PLEKHA5: variants seen among roughly 807,000 people sequenced by gnomAD.
PLEKHA5 encodes the protein pleckstrin homology domain containing A5, also known as pleckstrin homology domain-containing family A member 5.
In PLEKHA5, 55 loss-of-function variants were observed where a neutral mutation model predicts 181.9. The ratio of observed to expected loss-of-function variants is 0.30; its 90% CI spans 0.24 to 0.38. The LOEUF is 0.38. PLEKHA5 is among the 10% of genes least tolerant of loss of function. PLEKHA5 has a pLI of 1.00. For synonymous variants in PLEKHA5, 535 were observed against 529.4 expected (o/e 1.01, Z -0.15); for missense variants, 1,432 against 1,549.5 (o/e 0.92, Z 1.27).
intron 15 of PLEKHA5, among the ~76,000 whole-genome samples, chr12:19,300,972 T>TAAA (rs57234099): frequency 7.8e-6 from 1 of 127,626 alleles, no homozygotes; most frequent in East Asian, 2.3e-4. Context: ...CCATCTCTAC[T>TAAA]AAAAAAAAAA....
chr12:19,323,427 C>T (rs1048369373), intron 20 of PLEKHA5, among the ~76,000 whole-genome samples: 3 of 151,906 alleles, frequency 2.0e-5, no homozygotes, highest in Non-Finnish European at 4.4e-5. Context: ...CATCTGAGCC[C>T]GGGAGGCAGA....
chr12:19,284,193 C>T (rs1172218594), intron 12 of PLEKHA5, among the ~76,000 whole-genome samples: 1 of 152,020 alleles, frequency 6.6e-6, no homozygotes, highest in African/African-American at 2.4e-5. Context: ...CTCAGCCTCC[C>T]GAGTAGCTGG....
chr12:19,246,670 A>C (rs1592191140), intron 3 of PLEKHA5, among the ~76,000 whole-genome samples: 1 of 152,032 alleles, frequency 6.6e-6, no homozygotes, highest in Non-Finnish European at 1.5e-5. Flanking sequence ...TTCTATAAAA[A>C]TCAAATTCTG....
intron 3 of PLEKHA5, among the ~76,000 whole-genome samples, chr12:19,190,270 A>G (rs2050792149): frequency 6.6e-6 from 1 of 152,236 alleles, no homozygotes; most frequent in Admixed American, 6.5e-5. Flanking sequence ...CCTTATGGAT[A>G]ATAATGCCTT....
chr12:19,208,596 C>T (rs1349631684), intron 3 of PLEKHA5, among the ~76,000 whole-genome samples: 1 of 152,122 alleles, frequency 6.6e-6, no homozygotes, highest in African/African-American at 2.4e-5. Flanking sequence ...GCTAAGCTCT[C>T]ATTTTTTGGC....
chr12:19,333,964 C>T (rs2093114171), intron 20 of PLEKHA5, among the ~76,000 whole-genome samples: 1 of 152,064 alleles, frequency 6.6e-6, no homozygotes, highest in Non-Finnish European at 1.5e-5. Flanking sequence ...ATTGAAAGCA[C>T]TATTTTGTGG....
chr12:19,334,829 A>AAATATAT, intron 20 of PLEKHA5, among the ~76,000 whole-genome samples: 7 of 18,608 alleles, frequency 3.8e-4, no homozygotes, highest in South Asian at 2.8e-3. Context: ...AAAAAAAAAA[A>AAATATAT]ATATATATAT....
chr12:19,225,477 T>G (rs997408307), intron 3 of PLEKHA5, among the ~76,000 whole-genome samples: 1 of 152,212 alleles, frequency 6.6e-6, no homozygotes, highest in Admixed American at 6.5e-5. Flanking sequence ...TAGTACAGAA[T>G]TTGCAGTTCT....
rs200569657 is a variant in PLEKHA5 at position 19,310,179 on chromosome 12, A to G, written c.2038-4635A>G. Among the ~76,000 whole-genome samples the G allele has an allele frequency of 4.6e-5, 7 of 152,230 alleles. No homozygotes were observed. In the East Asian group the frequency reaches 9.6e-4, roughly 21 times the overall value. On this transcript the variant is annotated intron_variant, in intron 15 of 31. Transcript: ENST00000429027. ...ACTCATTTCAAGTGAATCCTTAAAC[A>G]TCCTACGTGTACTATTTAGTCTTTC...
chr12:19,351,386 A>G (rs1424357229), intron 25 of PLEKHA5, among the ~76,000 whole-genome samples: 1 of 152,178 alleles, frequency 6.6e-6, no homozygotes, highest in Non-Finnish European at 1.5e-5. Flanking sequence ...TATAAAGTAA[A>G]AAATGTATTT....
intron 3 of PLEKHA5, among the ~76,000 whole-genome samples, chr12:19,193,119 T>C (rs2051623810): frequency 1.3e-5 from 2 of 152,344 alleles, no homozygotes; most frequent in Middle Eastern, 3.4e-3. Context: ...GATTAGGTTT[T>C]GGAGTGTTTA....
At chr12:19,297,348 C>T (rs1174271727) in intron 15 of PLEKHA5, among the ~76,000 whole-genome samples, 2 of 151,428 alleles carry the variant, frequency 1.3e-5, no homozygotes, top group Non-Finnish European at 2.9e-5. Flanking sequence ...ACAGGCCGGG[C>T]GCGGTGGCTC....
chr12:19,367,747 T>C (rs1442901660), intron 30 of PLEKHA5, among the ~76,000 whole-genome samples: 1 of 150,710 alleles, frequency 6.6e-6, no homozygotes, highest in Non-Finnish European at 1.5e-5. Context: ...GCCTGGCTAA[T>C]TTTTTGTATT....
intron 21 of PLEKHA5, among the ~76,000 whole-genome samples, chr12:19,340,700 G>A (rs1239385150): frequency 7.0e-6 from 1 of 143,880 alleles, no homozygotes; most frequent in Admixed American, 7.1e-5. Flanking sequence ...ACTCAGGGTT[G>A]AATGGATTAA....
intron 10 of PLEKHA5, among the ~76,000 whole-genome samples, chr12:19,271,798 C>T (rs532757451): frequency 3.3e-5 from 5 of 152,262 alleles, no homozygotes; most frequent in African/African-American, 1.2e-4. Flanking sequence ...TTTCAGCCGT[C>T]TTTGTTAGTG....
At chr12:19,334,984 A>G (rs556429993) in intron 20 of PLEKHA5, among the ~76,000 whole-genome samples, 658 of 42,730 alleles carry the variant, frequency 0.015, 14 homozygotes, top group African/African-American at 0.12. Flanking sequence ...TTTTTTTATG[A>G]AAAAAAAAAA....
At chr12:19,220,121 C>A (rs2058701247) in intron 3 of PLEKHA5, among the ~76,000 whole-genome samples, 1 of 150,862 alleles carries the variant, frequency 6.6e-6, no homozygotes, top group Non-Finnish European at 1.5e-5. Context: ...CATCCCCACC[C>A]CACCCCACCC....
rs1045072601 is a variant in PLEKHA5 at position 19,352,088 on chromosome 12, A to G, written c.3020-1796A>G. On this transcript the variant is annotated intron_variant, in intron 25 of 31. Transcript: ENST00000429027. ...CGAAACTCCATCTCAAAAAAAAAAAAAAAAAAAAAGACTGGCTGGGCCTAG... is the reference window on the plus strand; with the variant it reads ...CGAAACTCCATCTCAAAAAAAAAAAGAAAAAAAAAGACTGGCTGGGCCTAG... Among the ~76,000 whole-genome samples the G allele has an allele frequency of 5.8e-4, 88 of 151,316 alleles. 1 individual carries two copies. Among genetic ancestry groups the G allele is most frequent in the Non-Finnish European group, 1.1e-3 (77 of 67,820 alleles).
In PLEKHA5 at chr12:19,311,791, T is replaced by C. The variant is rs551880859; in HGVS notation, c.2038-3023T>C. Among the ~76,000 whole-genome samples, 6 of 152,296 alleles carry C rather than the reference T, an allele frequency of 3.9e-5. No individual in the cohort carries two copies. The South Asian group carries it at 1.2e-3, about 32-fold the overall frequency. ...GTTGGAACCAGTGTTTTCAAACTTC[T>C]GTTAATGTTGCTATTTTGACCTCCT... On this transcript the variant is annotated intron_variant, in intron 15 of 31. Transcript: ENST00000429027.
Sources: allele counts gnomAD v4.1 joint callset (sites outside exome capture counted in the v4.1 genomes callset), GRCh38; gene constraint gnomAD v4.1.1; transcripts MANE v1.5; gene names NCBI Gene and HGNC (gene_info 2026-07-23, HGNC 2026-07-21).